The following ABCD3 variants were observed in gnomAD, a reference collection of about 807,000 sequenced individuals.
The protein encoded by ABCD3 is ATP-binding cassette sub-family D member 3.
A neutral mutation model predicts 105.5 loss-of-function variants in ABCD3; 41 were observed. The ratio of observed to expected loss-of-function variants is 0.39; its 90% CI spans 0.30 to 0.50. The LOEUF (loss-of-function observed/expected upper bound fraction) is 0.50, where lower values mean the gene tolerates loss of function less well. ABCD3 is among the 20% of genes least tolerant of loss of function. The probability of loss-of-function intolerance (pLI) is 0.84; values close to 1 mark genes in which losing one functional copy is unlikely to be tolerated. For synonymous variants in ABCD3, 258 were observed against 269.0 expected (o/e 0.96, Z 0.40); for missense variants, 622 against 806.3 (o/e 0.77, Z 2.77).
intron 1 of ABCD3, among the ~76,000 whole-genome samples, chr1:94,454,128 A>G (rs531932939): frequency 6.6e-6 from 1 of 152,246 alleles, no homozygotes; most frequent in African/African-American, 2.4e-5. Context: ...ATGGAAATAA[A>G]TTGAAAGAGG....
At chr1:94,505,521 T>G (rs781264285) in intron 20 of ABCD3, among the ~76,000 whole-genome samples, 1 of 152,056 alleles carries the variant, frequency 6.6e-6, no homozygotes, top group Non-Finnish European at 1.5e-5. Flanking sequence ...GCTGATATTT[T>G]TATATATCTG....
chr1:94,452,080 T>G (rs1448430533), intron 1 of ABCD3, among the ~76,000 whole-genome samples: 1 of 152,206 alleles, frequency 6.6e-6, no homozygotes, highest in African/African-American at 2.4e-5. Flanking sequence ...ATCACTGAGG[T>G]CAAGGTTTCT....
chr1:94,396,920 T>G, the ABCD3 span, among the ~76,000 whole-genome samples: 1 of 152,194 alleles, frequency 6.6e-6, no homozygotes, highest in African/African-American at 2.4e-5. Context: ...GCTTTGCTGA[T>G]AGGCCTGTGA....
intron 1 of ABCD3, among the ~76,000 whole-genome samples, chr1:94,445,581 ATCC>A (rs765627059): frequency 1.1e-4 from 17 of 152,298 alleles, no homozygotes; most frequent in Non-Finnish European, 2.1e-4. Flanking sequence ...GAAGAGGTTC[ATCC>A]CTACCCTCCT....
At chr1:94,430,035 T>C (rs1314005145) in intron 1 of ABCD3, among the ~76,000 whole-genome samples, 5 of 152,252 alleles carry the variant, frequency 3.3e-5, no homozygotes, top group Non-Finnish European at 7.3e-5. Flanking sequence ...GGAACCCACC[T>C]CTTGCATCAG....
At chr1:94,406,516 C>G in the ABCD3 span, 1 of 387,752 alleles carries the variant, frequency 2.6e-6, no homozygotes, top group African/African-American at 2.1e-5. Flanking sequence ...GTACCTTTCT[C>G]TTTGGCTCCC....
chr1:94,396,803 G>A, the ABCD3 span, among the ~76,000 whole-genome samples: 10 of 152,142 alleles, frequency 6.6e-5, no homozygotes, highest in African/African-American at 2.4e-4. Flanking sequence ...TGGTTCCCTG[G>A]CCTGGAACCG....
chr1:94,491,149 T>C (rs1283084312), intron 15 of ABCD3, 35 bp from the exon 16 acceptor site: 4 of 1,477,154 alleles, frequency 2.7e-6, no homozygotes, highest in Non-Finnish European at 3.8e-6. Flanking sequence ...TTATATACTT[T>C]AAAGTAATTC....
the ABCD3 span, among the ~76,000 whole-genome samples, chr1:94,388,515 T>C: frequency 6.6e-6 from 1 of 152,220 alleles, no homozygotes; most frequent in Non-Finnish European, 1.5e-5. Context: ...AGGAAGGCTA[T>C]TTTTCCTAAT....
In ABCD3 at chr1:94,418,608, T is replaced by C. The variant is rs1659120221; in HGVS notation, c.110+20T>C. 5 of 1,578,214 alleles carry C rather than the reference T, an allele frequency of 3.2e-6. No individual in the cohort carries two copies. In the Admixed American group the frequency reaches 7.0e-5, roughly 22 times the overall value. On this transcript the variant is annotated intron_variant, in intron 1 of 22. Coordinates refer to ENST00000370214, the MANE Select transcript of ABCD3 (RefSeq NM_002858.4). The stretch of plus-strand genomic sequence containing the variant: ...GCACGGGTAAGAAGGCCCGTAGCCG[T>C]GCAGCTTTCCCGGGCTGGAGCGGGC...
chr1:94,399,065 C>T, the ABCD3 span, among the ~76,000 whole-genome samples: 1 of 151,988 alleles, frequency 6.6e-6, no homozygotes, highest in Non-Finnish European at 1.5e-5. Flanking sequence ...TATGTAGTAG[C>T]ATGCAGTTCA....
chr1:94,512,556 A>T (rs1370101163), intron 21 of ABCD3, among the ~76,000 whole-genome samples: 1 of 151,972 alleles, frequency 6.6e-6, no homozygotes, highest in Non-Finnish European at 1.5e-5. Context: ...TTTTCCATTA[A>T]CTTTATCTAA....
At chr1:94,475,802 T>G (rs746219739) in intron 7 of ABCD3, 65 bp downstream of exon 7, 2 of 1,340,784 alleles carry the variant, frequency 1.5e-6, no homozygotes, top group Non-Finnish European at 2.1e-6. Context: ...CTAAGCAAAT[T>G]TATATAGAAT....
chr1:94,400,990 AG>A, the ABCD3 span, among the ~76,000 whole-genome samples: 2 of 152,182 alleles, frequency 1.3e-5, no homozygotes, highest in Non-Finnish European at 2.9e-5. Flanking sequence ...CTAGCACGTG[AG>A]TATGCTCAGT....
At chr1:94,392,016 G>A in the ABCD3 span, among the ~76,000 whole-genome samples, 943 of 152,260 alleles carry the variant, frequency 6.2e-3, 10 homozygotes, top group African/African-American at 0.021. Context: ...CGTTACTTGA[G>A]CATGGAAAGT....
intron 5 of ABCD3, 26 bp from the exon 6 acceptor site, chr1:94,475,117 C>T: frequency 1.4e-6 from 2 of 1,419,748 alleles, no homozygotes; most frequent in Admixed American, 1.8e-5. Context: ...AAAGCAAAAC[C>T]AATAATATTT....
At position 94,467,902 on chromosome 1, in the gene ABCD3, T is replaced by C; in HGVS notation, c.247-17T>C. The C allele has an allele frequency of 6.4e-7, 1 of 1,564,766 alleles. No individual in the cohort carries two copies. The highest frequency in any genetic ancestry group is 1.8e-4 in the Middle Eastern group (1 of 5,714). The stretch of plus-strand genomic sequence containing the variant: ...TAAAATGCATGTATTTAATTTACTA[T>C]ACCTGGTTTATTTTAGACAGGTTAC... On this transcript the variant is annotated splice_polypyrimidine_tract_variant and intron_variant, in intron 3 of 22. Coordinates refer to ENST00000370214, the MANE Select transcript of ABCD3 (RefSeq NM_002858.4).
the ABCD3 span, among the ~76,000 whole-genome samples, chr1:94,401,279 C>A: frequency 2.6e-5 from 4 of 152,252 alleles, no homozygotes; most frequent in Non-Finnish European, 5.9e-5. Flanking sequence ...AACCTGCTAG[C>A]ATGTATAGTC....
At chr1:94,423,434 AG>A (rs1659341753) in intron 1 of ABCD3, among the ~76,000 whole-genome samples, 1 of 152,174 alleles carries the variant, frequency 6.6e-6, no homozygotes. Flanking sequence ...AATATTTCTC[AG>A]GAATTTCAGG....
Sources: allele counts gnomAD v4.1 joint callset (sites outside exome capture counted in the v4.1 genomes callset), GRCh38; gene constraint gnomAD v4.1.1; transcripts MANE v1.5; gene names NCBI Gene and HGNC (gene_info 2026-07-23, HGNC 2026-07-21).